CTNNA3: variants seen among roughly 807,000 people sequenced by gnomAD.
The protein encoded by CTNNA3 is catenin alpha-3.
A neutral mutation model predicts 95.7 loss-of-function variants in CTNNA3; 76 were observed. That is an observed-to-expected ratio of 0.79 (90% CI 0.66 to 0.96). The LOEUF (loss-of-function observed/expected upper bound fraction) is 0.96, where lower values mean the gene tolerates loss of function less well. Ranked by LOEUF, CTNNA3 falls within the 40% of genes least tolerant of loss-of-function variation. CTNNA3 has a pLI of 0.00. For missense variants in CTNNA3, 1,191 were observed against 1,089.8 expected (o/e 1.09, Z -1.31); for synonymous variants, 431 against 374.4 (o/e 1.15, Z -1.74).
chr10:66,177,533 C>T lies in CTNNA3; in HGVS notation c.1885-74284G>A, dbSNP rs571465973. Among the ~76,000 whole-genome samples, 7 of 151,710 alleles carry T rather than the reference C, an allele frequency of 4.6e-5. 1 individual carries two copies. Among genetic ancestry groups the T allele is most frequent in the African/African-American group, 9.7e-5 (4 of 41,404 alleles). On this transcript the variant is annotated intron_variant, in intron 13 of 17. Transcript: ENST00000433211. ...ATAATCTCCCTTTTTGAATTCTAGA[C>T]GAACGATAAAAAGCGATTTTGTTAA...
At chr10:66,178,752 C>T (rs1247861194) in intron 13 of CTNNA3, among the ~76,000 whole-genome samples, 3 of 151,718 alleles carry the variant, frequency 2.0e-5, no homozygotes, top group Admixed American at 1.3e-4. Context: ...GGATAAAATA[C>T]ATGAGCAGAT....
chr10:66,484,475 G>T (rs1198938169), intron 11 of CTNNA3, among the ~76,000 whole-genome samples: 2 of 151,984 alleles, frequency 1.3e-5, no homozygotes, highest in Admixed American at 6.5e-5. Context: ...GAATAAAGGA[G>T]TGTCTGAAAA....
At position 67,312,644 on chromosome 10, in the gene CTNNA3, G is replaced by A. The variant is rs546282196; in HGVS notation, c.580-92774C>T. 7.9e-5 allele frequency among the ~76,000 whole-genome samples: 12 copies of A among 152,352 alleles called. No individual in the cohort carries two copies. The South Asian group carries it at 1.2e-3, about 16-fold the overall frequency. On this transcript the variant is annotated intron_variant, in intron 5 of 17. Transcript: ENST00000433211. Reference sequence around the variant, plus strand: ...AGACCAGCCTTAGAAGTCTGAGGACGATAGCCATTGATTCTGTGACAATGA... The same window carrying A: ...AGACCAGCCTTAGAAGTCTGAGGACAATAGCCATTGATTCTGTGACAATGA...
intron 7 of CTNNA3, among the ~76,000 whole-genome samples, chr10:67,161,621 CA>C (rs748842083): frequency 4.0e-5 from 6 of 151,618 alleles, no homozygotes; most frequent in Non-Finnish European, 7.4e-5. Flanking sequence ...AAATTAAAAA[CA>C]GAGGGAACAA....
chr10:66,326,650 G>A (rs533081823), intron 12 of CTNNA3, among the ~76,000 whole-genome samples: 165 of 152,076 alleles, frequency 1.1e-3, no homozygotes, highest in African/African-American at 3.9e-3. Flanking sequence ...CTAAATTAAT[G>A]TATATTTATA....
At chr10:67,406,548 C>T (rs927753209) in intron 5 of CTNNA3, among the ~76,000 whole-genome samples, 3 of 151,860 alleles carry the variant, frequency 2.0e-5, no homozygotes, top group Non-Finnish European at 4.4e-5. Flanking sequence ...ACAAAGCTAG[C>T]TGAAGACAAT....
chr10:67,347,767 G>A (rs1296450888), intron 5 of CTNNA3, among the ~76,000 whole-genome samples: 1 of 144,496 alleles, frequency 6.9e-6, no homozygotes, highest in Non-Finnish European at 1.5e-5. Context: ...ATCCACTCAA[G>A]AGACTACTCA....
chr10:67,199,358 TC>T (rs1863526667), intron 6 of CTNNA3, among the ~76,000 whole-genome samples: 10 of 126,408 alleles, frequency 7.9e-5, no homozygotes, highest in African/African-American at 3.3e-4. Flanking sequence ...TTTTTGTTTT[TC>T]CTTTTTGTTG....
rs1364638838 is a variant in CTNNA3 at position 67,026,202 on chromosome 10, T to A, written c.1047+154115A>T. Reference sequence around the variant, plus strand: ...GCAGCACACCAGCATGGCACATGTATACATATGTAACTAACTTGCACATTG... The same window carrying A: ...GCAGCACACCAGCATGGCACATGTAAACATATGTAACTAACTTGCACATTG... On this transcript the variant is annotated intron_variant, in intron 7 of 17. Transcript: ENST00000433211. 5.9e-5 allele frequency among the ~76,000 whole-genome samples: 9 copies of A among 151,804 alleles called. No homozygotes were observed. In the East Asian group the frequency reaches 1.6e-3, roughly 26 times the overall value.
intron 9 of CTNNA3, among the ~76,000 whole-genome samples, chr10:66,650,551 T>A (rs1168032703): frequency 6.6e-6 from 1 of 152,180 alleles, no homozygotes. Context: ...ACTTCAAGAA[T>A]GAAGCCGCGG....
intron 7 of CTNNA3, among the ~76,000 whole-genome samples, chr10:67,072,629 G>C (rs948648646): frequency 2.6e-5 from 4 of 152,074 alleles, no homozygotes; most frequent in Non-Finnish European, 5.9e-5. Context: ...TCTTCCCCTT[G>C]TTTATCTATA....
At chr10:65,982,510 C>G (rs759019092) in intron 16 of CTNNA3, among the ~76,000 whole-genome samples, 4 of 146,306 alleles carry the variant, frequency 2.7e-5, no homozygotes, top group Non-Finnish European at 6.0e-5. Flanking sequence ...AGATATCTAC[C>G]CAGAGGAAAA....
chr10:67,098,655 A>T lies in CTNNA3; in HGVS notation c.1047+81662T>A, dbSNP rs1374158588. 4 of 152,460 alleles carry T rather than the reference A, an allele frequency of 2.6e-5. No homozygotes were observed. In the South Asian group the frequency reaches 8.3e-4, roughly 32 times the overall value. 9.4% of individuals were successfully genotyped at this position (152,460 alleles called of 1,614,324 possible). Reference sequence around the variant, plus strand: ...TGGGGGAAAGCATGGACAAAACATCACTGGAAACAAAGGCTGTAACCACAG... The same window carrying T: ...TGGGGGAAAGCATGGACAAAACATCTCTGGAAACAAAGGCTGTAACCACAG... On this transcript the variant is annotated intron_variant, in intron 7 of 17. Transcript: ENST00000433211.
chr10:66,512,299 G>A (rs1459783876), intron 11 of CTNNA3, among the ~76,000 whole-genome samples: 1 of 152,052 alleles, frequency 6.6e-6, no homozygotes, highest in Non-Finnish European at 1.5e-5. Flanking sequence ...GCAGCAAATA[G>A]TTGGGTCTCA....
intron 12 of CTNNA3, among the ~76,000 whole-genome samples, chr10:66,312,744 A>C (rs141651250): frequency 6.6e-6 from 1 of 152,138 alleles, no homozygotes; most frequent in African/African-American, 2.4e-5. Flanking sequence ...ACAGGGTTTC[A>C]CCATATTGGC....
intron 7 of CTNNA3, among the ~76,000 whole-genome samples, chr10:67,155,863 T>C (rs1311791654): frequency 1.3e-5 from 2 of 152,170 alleles, no homozygotes; most frequent in African/African-American, 4.8e-5. Context: ...TTGAGAAGGA[T>C]TGGTATTAAT....
intron 7 of CTNNA3, among the ~76,000 whole-genome samples, chr10:67,121,004 TTGTC>T (rs1420921714): frequency 3.3e-5 from 5 of 152,066 alleles, no homozygotes; most frequent in African/African-American, 1.2e-4. Context: ...TAAGTCTCTA[TTGTC>T]ATTGTATCTC....
chr10:67,461,795 T>C (rs1330831739), intron 5 of CTNNA3, among the ~76,000 whole-genome samples: 1 of 152,214 alleles, frequency 6.6e-6, no homozygotes, highest in Non-Finnish European at 1.5e-5. Context: ...AAAAACATCA[T>C]GTATGTTTCA....
intron 3 of CTNNA3, among the ~76,000 whole-genome samples, chr10:67,586,840 T>C (rs1354716966): frequency 6.6e-6 from 1 of 152,114 alleles, no homozygotes; most frequent in African/African-American, 2.4e-5. Context: ...TTAATTGTTT[T>C]CTAGTTTTTA....
Sources: allele counts gnomAD v4.1 joint callset (sites outside exome capture counted in the v4.1 genomes callset), GRCh38; gene constraint gnomAD v4.1.1; transcripts MANE v1.5; gene names NCBI Gene and HGNC (gene_info 2026-07-23, HGNC 2026-07-21).